The following CNOT6L variants were observed in gnomAD, a reference collection of about 807,000 sequenced individuals.
The protein encoded by CNOT6L is CCR4-NOT transcription complex subunit 6-like.
In CNOT6L, 7 loss-of-function variants were observed where a neutral mutation model predicts 64.0. The observed-to-expected ratio is 0.11, with a 90% CI of 0.06 to 0.21. The LOEUF (loss-of-function observed/expected upper bound fraction) is 0.21. Ranked by LOEUF, CNOT6L falls within the 10% of genes least tolerant of loss-of-function variation. CNOT6L has a pLI of 1.00. For missense variants in CNOT6L, 245 were observed against 669.0 expected (o/e 0.37, Z 6.99); for synonymous variants, 193 against 243.4 (o/e 0.79, Z 1.93).
chr4:77,779,822 G>C (rs555969735), intron 1 of CNOT6L, among the ~76,000 whole-genome samples: 11 of 152,220 alleles, frequency 7.2e-5, no homozygotes, highest in Admixed American at 3.3e-4. Context: ...AAATTAGCCG[G>C]GTGTGGTCGC....
chr4:77,742,405 T>G (rs112875917), intron 7 of CNOT6L, 110 bp from the exon 8 acceptor site: 1 of 1,000,224 alleles, frequency 1.0e-6, no homozygotes. Flanking sequence ...ATAATTCACA[T>G]AGCAAATATT....
chr4:77,780,511 C>T (rs1728741272), intron 1 of CNOT6L, among the ~76,000 whole-genome samples: 1 of 152,156 alleles, frequency 6.6e-6, no homozygotes, highest in South Asian at 2.1e-4. Context: ...CTTAGTTTCC[C>T]AAATACTACA....
chr4:77,795,178 G>C (rs1323109727), intron 1 of CNOT6L, among the ~76,000 whole-genome samples: 1 of 151,666 alleles, frequency 6.6e-6, no homozygotes, highest in Non-Finnish European at 1.5e-5. Context: ...CGCCACCACG[G>C]CTGGCTAATT....
chr4:77,742,333 G>A (rs1413783095), intron 7 of CNOT6L, 38 bp from the exon 8 acceptor site: 3 of 1,549,506 alleles, frequency 1.9e-6, no homozygotes, highest in Non-Finnish European at 2.6e-6. Context: ...TATGACAGAG[G>A]GAAAATGCTG....
At position 77,718,558 on chromosome 4, in the gene CNOT6L, G is replaced by A. The variant is rs1720980724; in HGVS notation, c.*1873C>T. On this transcript the variant is annotated 3_prime_UTR_variant, in exon 12 of 12. Transcript: ENST00000504123. Reference sequence around the variant, plus strand: ...ACATCAAAATTCACTGAACTACAATGACATTCCAATTATAATAGATGACAA... The same window carrying A: ...ACATCAAAATTCACTGAACTACAATAACATTCCAATTATAATAGATGACAA... 6.6e-6 allele frequency: 1 copy of A among 152,404 alleles called. No individual in the cohort carries two copies. Among genetic ancestry groups the A allele is most frequent in the Non-Finnish European group, 1.5e-5 (1 of 67,970 alleles). 9.4% of individuals were successfully genotyped at this position (152,404 alleles called of 1,614,324 possible).
At chr4:77,747,297 G>C (rs1724306544) in intron 6 of CNOT6L, among the ~76,000 whole-genome samples, 1 of 152,088 alleles carries the variant, frequency 6.6e-6, no homozygotes, top group African/African-American at 2.4e-5. Flanking sequence ...CTCCTAAGTA[G>C]CTGGGATTAC....
chr4:77,818,109 C>T (rs1733773364), intron 1 of CNOT6L, among the ~76,000 whole-genome samples: 1 of 152,146 alleles, frequency 6.6e-6, no homozygotes, highest in South Asian at 2.1e-4. Flanking sequence ...CTGAGGAAAA[C>T]ATGTTTGTTG....
chr4:77,715,762 T>C lies in CNOT6L; in HGVS notation c.*4669A>G, dbSNP rs1335307878. 1 of 152,548 alleles carries C rather than the reference T, an allele frequency of 6.6e-6. No individual in the cohort carries two copies. The highest frequency in any genetic ancestry group is 2.4e-5 in the African/African-American group (1 of 41,444). 9.4% of individuals were successfully genotyped at this position (152,548 alleles called of 1,614,324 possible). On this transcript the variant is annotated 3_prime_UTR_variant, in exon 12 of 12. Coordinates refer to ENST00000504123, the MANE Select transcript of CNOT6L (RefSeq NM_144571.3). Reference sequence around the variant, plus strand: ...AGTTTAGATATATGGGCTGCTTCTTTTTTACCCTCAAGCTTTTAGGTGACA... The same window carrying C: ...AGTTTAGATATATGGGCTGCTTCTTCTTTACCCTCAAGCTTTTAGGTGACA...
chr4:77,751,030 A>G (rs1472043845), intron 5 of CNOT6L, among the ~76,000 whole-genome samples: 1 of 152,244 alleles, frequency 6.6e-6, no homozygotes, highest in Non-Finnish European at 1.5e-5. Flanking sequence ...AAGAACCAGG[A>G]AAATCACAAC....
rs772023799 is a variant in CNOT6L, at chr4:77,819,239, T to A, written c.5+65A>T. ...ACATTTGTCCCTCTCCCACCTCATT[T>A]CCCCGGGGACGCGCTCCTCTTCCCA... On this transcript the variant is annotated intron_variant, in intron 1 of 11. Coordinates refer to ENST00000504123, the MANE Select transcript of CNOT6L (RefSeq NM_144571.3). The A allele has an allele frequency of 4.6e-4, 744 of 1,611,428 alleles. 3 individuals are homozygous for A. Among genetic ancestry groups the A allele is most frequent in the Middle Eastern group, 1.6e-4 (1 of 6,080 alleles).
chr4:77,765,734 A>T (rs1408953487), intron 4 of CNOT6L, among the ~76,000 whole-genome samples: 1 of 152,176 alleles, frequency 6.6e-6, no homozygotes, highest in Non-Finnish European at 1.5e-5. Flanking sequence ...TCCAAGGGTT[A>T]TCTGTCTCTT....
At chr4:77,811,624 G>C (rs144497112) in intron 1 of CNOT6L, among the ~76,000 whole-genome samples, 31 of 152,210 alleles carry the variant, frequency 2.0e-4, no homozygotes, top group African/African-American at 7.5e-4. Context: ...CCTCCAGCAA[G>C]ATAAGCATTA....
At chr4:77,762,919 A>G (rs576434745) in intron 4 of CNOT6L, among the ~76,000 whole-genome samples, 1 of 152,286 alleles carries the variant, frequency 6.6e-6, no homozygotes, top group Non-Finnish European at 1.5e-5. Flanking sequence ...TACACCAAAG[A>G]GGTAAGAATT....
chr4:77,757,355 C>T lies in CNOT6L; in HGVS notation c.401-404G>A, dbSNP rs982517981. Among the ~76,000 whole-genome samples, 7 of 151,912 alleles carry T rather than the reference C, an allele frequency of 4.6e-5. No individual in the cohort carries two copies. In the South Asian group the frequency reaches 8.3e-4, roughly 18 times the overall value. ...TGATATCTTAAAAAAGAAGGGTCTT[C>T]GTAGAATATTTATATTACATATAGG... is the stretch of plus-strand genomic sequence containing the variant. On this transcript the variant is annotated intron_variant, in intron 4 of 11. Coordinates refer to ENST00000504123, the MANE Select transcript of CNOT6L (RefSeq NM_144571.3).
intron 1 of CNOT6L, among the ~76,000 whole-genome samples, chr4:77,807,811 T>C (rs1233622870): frequency 2.6e-5 from 4 of 152,202 alleles, no homozygotes; most frequent in African/African-American, 7.2e-5. Context: ...TACACAGGTT[T>C]AGGTATTCCA....
intron 4 of CNOT6L, among the ~76,000 whole-genome samples, chr4:77,759,586 A>AG (rs1553890544): frequency 6.6e-6 from 1 of 151,720 alleles, no homozygotes; most frequent in African/African-American, 2.4e-5. Context: ...AAAAAAAAAA[A>AG]CAACCAAGAT....
intron 4 of CNOT6L, among the ~76,000 whole-genome samples, chr4:77,764,439 T>G (rs1224110744): frequency 6.6e-6 from 1 of 152,152 alleles, no homozygotes; most frequent in Non-Finnish European, 1.5e-5. Context: ...CAAAATTGAC[T>G]CATTAACAGA....
intron 4 of CNOT6L, among the ~76,000 whole-genome samples, chr4:77,760,075 T>C (rs1726008817): frequency 6.6e-6 from 1 of 152,166 alleles, no homozygotes; most frequent in Non-Finnish European, 1.5e-5. Context: ...CAGGAGATTT[T>C]TTAATGTTTT....
At chr4:77,774,411 C>T (rs540673052) in intron 3 of CNOT6L, 119 bp downstream of exon 3, 4 of 785,236 alleles carry the variant, frequency 5.1e-6, no homozygotes, top group Admixed American at 3.1e-5. Flanking sequence ...TATGCTTAGA[C>T]AGTTTATATA....
Sources: gnomAD v4.1 joint callset for allele counts (sites outside exome capture counted in the v4.1 genomes callset) on GRCh38, gnomAD v4.1.1 for gene constraint, MANE v1.5 for transcripts, NCBI Gene and HGNC (gene_info 2026-07-23, HGNC 2026-07-21) for gene names.